The following LRRC10 variants were observed in gnomAD, a reference collection of about 807,000 sequenced individuals.
LRRC10 encodes the protein leucine-rich repeat-containing protein 10.
Under a neutral mutation model 11.1 loss-of-function variants are expected in LRRC10, and 6 were observed. The observed-to-expected ratio is 0.54, with a 90% confidence interval of 0.30 to 1.07. The LOEUF (loss-of-function observed/expected upper bound fraction) is 1.07. LRRC10 is among the 50% of genes least tolerant of loss of function. LRRC10 has a pLI of 0.07. For missense variants in LRRC10, 320 were observed against 355.5 expected (o/e 0.90, Z 0.80); for synonymous variants, 145 against 153.6 (o/e 0.94, Z 0.41).
Position 69,608,584 on chromosome 12 carries a change from T to A in LRRC10, c.*1421A>T, listed in dbSNP as rs1240910792. 1.3e-5 allele frequency: 2 copies of A among 152,252 alleles called. No individual in the cohort carries two copies. Among genetic ancestry groups the A allele is most frequent in the African/African-American group, 4.8e-5 (2 of 41,462 alleles). The allele number at this position is 152,252 out of a possible 1,614,324, so 9.4% of individuals were successfully genotyped here. A position where few individuals can be genotyped will look rare whatever the true frequency, so the allele number is the denominator to read the frequency against. ...AACAATTTCTTTAAAGTTTATATAT[T>A]TGTGGGAAGGTCACAATTTACATAC... On this transcript the variant is annotated 3_prime_UTR_variant, in exon 1 of 1. Transcript: ENST00000361484.
In LRRC10 at chr12:69,610,075, T is replaced by C. The variant is rs1438748281; in HGVS notation, c.764A>G (p.Tyr255Cys). Residue 255 changes from tyrosine (Y) to cysteine (C), a missense_variant, in exon 1 of 1, where the codon TAT (tyrosine) becomes TGT (cysteine). Transcript: ENST00000361484. Reference protein sequence around the residue: ...PEPDPRKARRYALVREESQEL... With the variant: ...PEPDPRKARRCALVREESQEL... ...CTGGCTTTCCTCTCTGACCAACGCA[T>C]AGCGCCTGGCTTTTCTAGGGTCGGG... 4.3e-6 allele frequency: 7 copies of C among 1,614,104 alleles called. No homozygotes were observed. The highest frequency in any genetic ancestry group is 5.9e-6 in the Non-Finnish European group (7 of 1,180,040).
rs1217375093 is a variant in LRRC10, at chr12:69,610,209, G to T, written c.630C>A (p.His210Gln). 2 of 1,614,254 alleles carry T rather than the reference G, an allele frequency of 1.2e-6. No individual in the cohort carries two copies. Among genetic ancestry groups the T allele is most frequent in the African/African-American group, 1.3e-5 (1 of 75,078 alleles). The change falls in exon 1 of 1, where the codon CAC (histidine) becomes CAA (glutamine). Residue 210 changes from histidine to glutamine, a missense_variant. Physicochemically the swap from His to Gln is conservative, Grantham distance 24 (BLOSUM62 0). Transcript: ENST00000361484. ...AGATGACCAGCTTCAGACTTGACAGGTGCGCCAGGCTGGGGAAGTAACGGA... is the reference window on the plus strand; with the variant it reads ...AGATGACCAGCTTCAGACTTGACAGTTGCGCCAGGCTGGGGAAGTAACGGA... Reference protein sequence around the residue: ...NSIRYFPSLAHLSSLKLVIYD... With the variant: ...NSIRYFPSLAQLSSLKLVIYD...
At position 69,610,207 on chromosome 12, in the gene LRRC10, A is replaced by G; in HGVS notation, c.632T>C (p.Leu211Pro). Residue 211 changes from leucine (L) to proline (P), a missense_variant, in exon 1 of 1, where the codon CTG becomes CCG. Physicochemically the swap from Leu to Pro is moderately conservative, Grantham distance 98. Coordinates refer to ENST00000361484, the MANE Select transcript of LRRC10 (RefSeq NM_201550.4). ...SIRYFPSLAH[L>P]SSLKLVIYDH... ...ATAGATGACCAGCTTCAGACTTGAC[A>G]GGTGCGCCAGGCTGGGGAAGTAACG... 5 of 1,614,232 alleles carry G rather than the reference A, an allele frequency of 3.1e-6. No homozygotes were observed. The highest frequency in any genetic ancestry group is 4.2e-6 in the Non-Finnish European group (5 of 1,180,042).
chr12:69,610,269 G>A lies in LRRC10; in HGVS notation c.570C>T (p.Pro190=), dbSNP rs547157948. The change falls in exon 1 of 1, where the codon CCC becomes CCT. Residue 190 remains proline (P), a synonymous_variant. Transcript: ENST00000361484. ...TDFPTVLLHM[P]FLEVIDVDWN... ...AGTCCACATCAATCACCTCCAGGAA[G>A]GGCATGTGAAGCAGCACAGTGGGAA... The A allele has an allele frequency of 3.2e-5, 51 of 1,614,038 alleles. No individual in the cohort carries two copies. The South Asian group carries it at 5.1e-4, about 16-fold the overall frequency.
chr12:69,610,453 T>C lies in LRRC10; in HGVS notation c.386A>G (p.Glu129Gly). The C allele has an allele frequency of 6.2e-7, 1 of 1,614,066 alleles. No homozygotes were observed. Among genetic ancestry groups the C allele is most frequent in the East Asian group, 2.2e-5 (1 of 44,866 alleles). Residue 129 changes from glutamate (E) to glycine (G), a missense_variant, in exon 1 of 1, where the codon GAG becomes GGG. Transcript: ENST00000361484. ...CGGCAGCTGGGTGAGGCAGTTGGCC[T>C]CGATCCACAGGGTCCTGAGGTTCTG... ...LLQNLRTLWI[E>G]ANCLTQLPDV...
In LRRC10 at chr12:69,609,354, C is replaced by T. The variant is rs1593106945; in HGVS notation, c.*651G>A. 1 of 152,446 alleles carries T rather than the reference C, an allele frequency of 6.6e-6. No homozygotes were observed. Among genetic ancestry groups the T allele is most frequent in the African/African-American group, 2.4e-5 (1 of 41,422 alleles). 9.4% of individuals were successfully genotyped at this position (152,446 alleles called of 1,614,324 possible). ...ACTCCAGCCTAGCAACAGAGTGAGA[C>T]CTTGTCTCTAATAATAATAAAAGGG... On this transcript the variant is annotated 3_prime_UTR_variant, in exon 1 of 1. Transcript: ENST00000361484.
Position 69,610,298 on chromosome 12 carries a change from CAGTT to C in LRRC10, c.537_540del (p.Asp181PhefsTer13), listed in dbSNP as rs944526586. 31 of 1,612,772 alleles carry C rather than the reference CAGTT, an allele frequency of 1.9e-5. No individual in the cohort carries two copies. The highest frequency in any genetic ancestry group is 8.3e-5 in the Admixed American group (5 of 59,996). ...ATGTGAAGCAGCACAGTGGGAAAGT[CAGTT>C]AGCCGGTTGCCCGAGAGCCAGATGG... On this transcript the variant is annotated frameshift_variant, in exon 1 of 1. Coordinates refer to ENST00000361484, the MANE Select transcript of LRRC10 (RefSeq NM_201550.4). LOFTEE classifies it high-confidence loss of function.
rs572910562 is a variant in LRRC10 at position 69,610,814 on chromosome 12, C to T, written c.25G>A (p.Val9Met). 50 of 1,609,472 alleles carry T rather than the reference C, an allele frequency of 3.1e-5. No individual in the cohort carries two copies. Among genetic ancestry groups the T allele is most frequent in the Non-Finnish European group, 4.1e-5 (48 of 1,177,720 alleles). Reference protein sequence around the residue: MGNTIRALVAFIPADRCQN... With the variant: MGNTIRALMAFIPADRCQN... ...CAACGGTCAGCAGGGATGAAGGCCA[C>T]GAGGGCCCTGATGGTGTTCCCCATG... Residue 9 changes from valine to methionine, a missense_variant, in exon 1 of 1, where the codon GTG becomes ATG. Transcript: ENST00000361484.
At position 69,610,252 on chromosome 12, in the gene LRRC10, T is replaced by C. The variant is rs1283095817; in HGVS notation, c.587A>G (p.Asp196Gly). 1.2e-6 allele frequency: 2 copies of C among 1,614,006 alleles called. No homozygotes were observed. The highest frequency in any genetic ancestry group is 1.3e-5 in the African/African-American group (1 of 74,902). ...LLHMPFLEVIDVDWNSIRYFP... is the reference protein window; with the variant it reads ...LLHMPFLEVIGVDWNSIRYFP... The stretch of plus-strand genomic sequence containing the variant: ...GTAACGGATGCTGTTCCAGTCCACA[T>C]CAATCACCTCCAGGAAGGGCATGTG... Residue 196 changes from aspartate (D) to glycine (G), a missense_variant, in exon 1 of 1, where the codon GAT becomes GGT. Asp to Gly is a moderately conservative substitution (Grantham distance 94, BLOSUM62 -1). Transcript: ENST00000361484.
rs1388920309 is a variant in LRRC10, at chr12:69,610,050, C to G, written c.789G>C (p.Gln263His). Residue 263 changes from glutamine to histidine, a missense_variant, in exon 1 of 1, where the codon CAG (glutamine) becomes CAC (histidine). Physicochemically the swap from Gln to His is conservative, Grantham distance 24. Transcript: ENST00000361484. ...RRYALVREESQELQAPVPLLP... is the reference protein window; with the variant it reads ...RRYALVREESHELQAPVPLLP... Reference sequence around the variant, plus strand: ...GTAGAGGGACTGGTGCCTGTAGCTCCTGGCTTTCCTCTCTGACCAACGCAT... The same window carrying G: ...GTAGAGGGACTGGTGCCTGTAGCTCGTGGCTTTCCTCTCTGACCAACGCAT... 1 of 1,614,090 alleles carries G rather than the reference C, an allele frequency of 6.2e-7. No homozygotes were observed. The highest frequency in any genetic ancestry group is 1.3e-5 in the African/African-American group (1 of 74,940).
At position 69,610,108 on chromosome 12, in the gene LRRC10, G is replaced by A. The variant is rs775363286; in HGVS notation, c.731C>T (p.Thr244Met). The A allele has an allele frequency of 9.3e-6, 15 of 1,614,188 alleles. No homozygotes were observed. The highest frequency in any genetic ancestry group is 6.7e-5 in the East Asian group (3 of 44,890). Residue 244 changes from threonine (T) to methionine (M), a missense_variant, in exon 1 of 1, where the codon ACG becomes ATG. Coordinates refer to ENST00000361484, the MANE Select transcript of LRRC10 (RefSeq NM_201550.4). ...VRRVGRWAEE[T>M]PEPDPRKARR... is the part of the protein sequence containing the mutation. ...GGCTTTTCTAGGGTCGGGCTCTGGC[G>A]TCTCCTCTGCCCATCTCCCCACACG...
rs12229290 is a variant in LRRC10 at position 69,610,386 on chromosome 12, G to A, written c.453C>T (p.Ala151=). The change falls in exon 1 of 1, where the codon GCC becomes GCT. Residue 151 remains alanine, a synonymous_variant. Coordinates refer to ENST00000361484, the MANE Select transcript of LRRC10 (RefSeq NM_201550.4). ...CELSLLKTLH[A]GSNALRLLPG... ...GCAGCAAACGCAGGGCGTTGGAGCC[G>A]GCATGCAGAGTCTTAAGGAGACTCA... 1,620 of 1,613,652 alleles carry A rather than the reference G, an allele frequency of 1.0e-3. 35 individuals are homozygous for A. In the East Asian group the frequency reaches 0.034, roughly 34 times the overall value.
Position 69,610,082 on chromosome 12 carries a change from T to A in LRRC10, c.757A>T (p.Arg253Trp). Reference sequence around the variant, plus strand: ...TCCTCTCTGACCAACGCATAGCGCCTGGCTTTTCTAGGGTCGGGCTCTGGC... The same window carrying A: ...TCCTCTCTGACCAACGCATAGCGCCAGGCTTTTCTAGGGTCGGGCTCTGGC... Reference protein sequence around the residue: ...ETPEPDPRKARRYALVREESQ... With the variant: ...ETPEPDPRKAWRYALVREESQ... The change falls in exon 1 of 1, where the codon AGG becomes TGG. Residue 253 changes from arginine to tryptophan, a missense_variant. Coordinates refer to ENST00000361484, the MANE Select transcript of LRRC10 (RefSeq NM_201550.4). 6 of 1,614,216 alleles carry A rather than the reference T, an allele frequency of 3.7e-6. No homozygotes were observed. Among genetic ancestry groups the A allele is most frequent in the Non-Finnish European group, 4.2e-6 (5 of 1,180,040 alleles).
rs1284197291 is a variant in LRRC10 at position 69,610,799 on chromosome 12, C to G, written c.40G>C (p.Ala14Pro). ...TIRALVAFIP[A>P]DRCQNYVVRD... ...ACCACATAGTTCTGGCAACGGTCAG[C>G]AGGGATGAAGGCCACGAGGGCCCTG... Residue 14 changes from alanine (A) to proline (P), a missense_variant, in exon 1 of 1, where the codon GCT becomes CCT. Coordinates refer to ENST00000361484, the MANE Select transcript of LRRC10 (RefSeq NM_201550.4). 2.5e-6 allele frequency: 4 copies of G among 1,612,964 alleles called. No homozygotes were observed. Among genetic ancestry groups the G allele is most frequent in the Non-Finnish European group, 2.5e-6 (3 of 1,179,552 alleles).
Position 69,610,439 on chromosome 12 carries a change from T to A in LRRC10, c.400A>T (p.Thr134Ser). The A allele has an allele frequency of 6.2e-7, 1 of 1,613,986 alleles. No individual in the cohort carries two copies. Among genetic ancestry groups the A allele is most frequent in the Non-Finnish European group, 8.5e-7 (1 of 1,179,954 alleles). Residue 134 changes from threonine to serine, a missense_variant, in exon 1 of 1, where the codon ACC becomes TCC. By Grantham distance (58) the Thr-to-Ser change is moderately conservative. Coordinates refer to ENST00000361484, the MANE Select transcript of LRRC10 (RefSeq NM_201550.4). ...RTLWIEANCL[T>S]QLPDVVCELS... Reference sequence around the variant, plus strand: ...TCACAGACCACATCCGGCAGCTGGGTGAGGCAGTTGGCCTCGATCCACAGG... The same window carrying A: ...TCACAGACCACATCCGGCAGCTGGGAGAGGCAGTTGGCCTCGATCCACAGG...
chr12:69,610,861 G>GC lies in LRRC10; in HGVS notation c.-24dup. 6.5e-7 allele frequency: 1 copy of GC among 1,541,090 alleles called. No individual in the cohort carries two copies. The highest frequency in any genetic ancestry group is 8.8e-7 in the Non-Finnish European group (1 of 1,139,584). ...CATGCGGAGGCTGGGGGCATGGCGAGCCCCAGAGGACAGACTCACTGAGCG... is the reference window on the plus strand; with the variant it reads ...CATGCGGAGGCTGGGGGCATGGCGAGCCCCCAGAGGACAGACTCACTGAGCG... On this transcript the variant is annotated 5_prime_UTR_variant, in exon 1 of 1. Coordinates refer to ENST00000361484, the MANE Select transcript of LRRC10 (RefSeq NM_201550.4).
At position 69,610,824 on chromosome 12, in the gene LRRC10, G is replaced by C; in HGVS notation, c.15C>G (p.Ile5Met). MGNT[I>M]RALVAFIPAD... ...CAGGGATGAAGGCCACGAGGGCCCT[G>C]ATGGTGTTCCCCATGCGGAGGCTGG... The change falls in exon 1 of 1, where the codon ATC (isoleucine) becomes ATG (methionine). Residue 5 changes from isoleucine (I) to methionine (M), a missense_variant. Ile to Met is a conservative substitution (Grantham distance 10, BLOSUM62 1). Transcript: ENST00000361484. 1.2e-6 allele frequency: 2 copies of C among 1,605,296 alleles called. No homozygotes were observed. Among genetic ancestry groups the C allele is most frequent in the Non-Finnish European group, 1.7e-6 (2 of 1,175,444 alleles).
rs538939242 is a variant in LRRC10 at position 69,610,135 on chromosome 12, C to T, written c.704G>A (p.Arg235His). 1.7e-5 allele frequency: 27 copies of T among 1,614,236 alleles called. No homozygotes were observed. The Admixed American group carries it at 2.3e-4, about 14-fold the overall frequency. The change falls in exon 1 of 1, where the codon CGC becomes CAC. Residue 235 changes from arginine to histidine, a missense_variant. Physicochemically the swap from Arg to His is conservative, Grantham distance 29 (BLOSUM62 0). Coordinates refer to ENST00000361484, the MANE Select transcript of LRRC10 (RefSeq NM_201550.4). Reference protein sequence around the residue: ...RNAPKVAKGVRRVGRWAEETP... With the variant: ...RNAPKVAKGVHRVGRWAEETP... ...CTCCTCTGCCCATCTCCCCACACGGCGCACACCTTTGGCCACCTTGGGTGC... is the reference window on the plus strand; with the variant it reads ...CTCCTCTGCCCATCTCCCCACACGGTGCACACCTTTGGCCACCTTGGGTGC...
chr12:69,610,628 G>C lies in LRRC10; in HGVS notation c.211C>G (p.Leu71Val). The change falls in exon 1 of 1, where the codon CTG becomes GTG. Residue 71 changes from leucine (L) to valine (V), a missense_variant. Coordinates refer to ENST00000361484, the MANE Select transcript of LRRC10 (RefSeq NM_201550.4). ...DNHLNSLPPE[L>V]GQLQNLQILA... ...ATCTGCAGGTTCTGTAGCTGCCCCA[G>C]CTCCGGAGGCAGGCTATTGAGGTGG... is the stretch of plus-strand genomic sequence containing the variant. 6.2e-7 allele frequency: 1 copy of C among 1,614,078 alleles called. No individual in the cohort carries two copies. Among genetic ancestry groups the C allele is most frequent in the East Asian group, 2.2e-5 (1 of 44,884 alleles).
Sources: gnomAD v4.1 joint callset for allele counts on GRCh38, gnomAD v4.1.1 for gene constraint, MANE v1.5 for transcripts, NCBI Gene and HGNC (gene_info 2026-07-23, HGNC 2026-07-21) for gene names.